FSTL5: variants seen among roughly 807,000 people sequenced by gnomAD.
FSTL5 encodes the protein follistatin like 5, also known as follistatin-related protein 5.
A neutral mutation model predicts 89.1 loss-of-function variants in FSTL5; 62 were observed. The observed-to-expected ratio is 0.70, with a 90% CI of 0.57 to 0.86. The LOEUF is 0.86. Among genes scored for constraint, FSTL5 ranks in the 40% least tolerant of loss-of-function variants. The pLI is 0.00. For synonymous variants in FSTL5, 383 were observed against 346.2 expected, an observed-to-expected ratio of 1.11 and a Z score of -1.18; for missense variants, 1,057 against 1,001.6, an observed-to-expected ratio of 1.06 and a Z score of -0.75.
chr4:161,786,082 A>T (rs1380827718), intron 4 of FSTL5, among the ~76,000 whole-genome samples: 1 of 152,086 alleles, frequency 6.6e-6, no homozygotes, highest in East Asian at 1.9e-4. Context: ...ATGTTTATTG[A>T]CATCTGACCT....
intron 6 of FSTL5, among the ~76,000 whole-genome samples, chr4:161,746,354 A>T (rs1740203887): frequency 6.6e-6 from 1 of 152,116 alleles, no homozygotes; most frequent in African/African-American, 2.4e-5. Context: ...TTAAATCCAT[A>T]ACTTCTGATT....
intron 6 of FSTL5, among the ~76,000 whole-genome samples, chr4:161,659,676 AT>A: frequency 6.6e-6 from 1 of 152,272 alleles, no homozygotes; most frequent in Admixed American, 6.5e-5. Context: ...TTTAAAAACG[AT>A]TTTTATATCT....
chr4:161,854,137 G>T (rs1731645561), intron 4 of FSTL5, among the ~76,000 whole-genome samples: 1 of 152,170 alleles, frequency 6.6e-6, no homozygotes, highest in Non-Finnish European at 1.5e-5. Flanking sequence ...TATAGGACTG[G>T]CCAGGAGGAA....
At chr4:161,499,796 A>AGGAATACATAATATTTTAGCAAATTCTTT (rs1730230626) in intron 12 of FSTL5, among the ~76,000 whole-genome samples, 1 of 151,980 alleles carries the variant, frequency 6.6e-6, no homozygotes, top group South Asian at 2.1e-4. Context: ...GCAAATTCTT[A>AGGAATACATAATATTTTAGCAAATTCTTT]GGAATACATA....
Position 161,936,094 on chromosome 4 carries a change from C to T in FSTL5, c.161-15442G>A, listed in dbSNP as rs115986625. The stretch of plus-strand genomic sequence containing the variant: ...ACTCAAAAGGCTGAGGCATGAGATT[C>T]GCTTGAACCCAGGAGGCAGAGATTG... On this transcript the variant is annotated intron_variant, in intron 3 of 15. Coordinates refer to ENST00000306100, the MANE Select transcript of FSTL5 (RefSeq NM_020116.5). 5.3e-3 allele frequency among the ~76,000 whole-genome samples: 813 copies of T among 152,196 alleles called. 8 individuals are homozygous for T. The highest frequency in any genetic ancestry group is 0.019 in the African/African-American group (774 of 41,534).
chr4:161,569,758 AACACACACACACACAC>A (rs56387876), intron 8 of FSTL5, among the ~76,000 whole-genome samples: 3 of 134,420 alleles, frequency 2.2e-5, no homozygotes, highest in South Asian at 4.5e-4. Flanking sequence ...CCAACACACA[AACACACACACACACAC>A]ACACACACAC....
At chr4:161,544,604 C>A (rs1437104017) in intron 8 of FSTL5, among the ~76,000 whole-genome samples, 1 of 151,606 alleles carries the variant, frequency 6.6e-6, no homozygotes, top group Non-Finnish European at 1.5e-5. Context: ...CTGTGTGGTA[C>A]ATTTTGACAC....
intron 3 of FSTL5, among the ~76,000 whole-genome samples, chr4:162,004,239 C>A (rs540877045): frequency 1.6e-3 from 245 of 152,248 alleles, no homozygotes; most frequent in Middle Eastern, 6.8e-3. Context: ...TTTGTGTGGC[C>A]AATGTAGAAA....
chr4:161,684,453 CG>C (rs1737638783), intron 6 of FSTL5, among the ~76,000 whole-genome samples: 1 of 151,404 alleles, frequency 6.6e-6, no homozygotes. Context: ...TTTTTGATTA[CG>C]GTCATTCTTG....
intron 8 of FSTL5, among the ~76,000 whole-genome samples, chr4:161,583,231 C>T (rs1733495893): frequency 6.6e-6 from 1 of 151,908 alleles, no homozygotes; most frequent in African/African-American, 2.4e-5. Flanking sequence ...AGTTCTTTCT[C>T]ATGTGTCAGG....
intron 4 of FSTL5, among the ~76,000 whole-genome samples, chr4:161,908,192 C>T (rs900248940): frequency 7.2e-5 from 11 of 151,946 alleles, no homozygotes; most frequent in Non-Finnish European, 1.5e-4. Flanking sequence ...CTTACCTCTA[C>T]CAATTTGGGA....
intron 8 of FSTL5, among the ~76,000 whole-genome samples, chr4:161,578,080 C>G (rs1733294078): frequency 1.3e-5 from 2 of 151,884 alleles, no homozygotes; most frequent in East Asian, 3.9e-4. Flanking sequence ...ATTCAATACA[C>G]AAATTAACAG....
chr4:161,812,012 A>G (rs534390346), intron 4 of FSTL5, among the ~76,000 whole-genome samples: 1 of 152,274 alleles, frequency 6.6e-6, no homozygotes, highest in East Asian at 1.9e-4. Flanking sequence ...TGGCTGGGAA[A>G]TATGTGAATA....
chr4:161,489,456 T>A (rs1560920396), intron 12 of FSTL5, among the ~76,000 whole-genome samples: 1 of 152,108 alleles, frequency 6.6e-6, no homozygotes, highest in African/African-American at 2.4e-5. Flanking sequence ...ATTAAAGAAA[T>A]AGGACAACTA....
chr4:161,555,372 A>G (rs7689636), intron 8 of FSTL5, among the ~76,000 whole-genome samples: 4,536 of 151,654 alleles, frequency 0.03, 224 homozygotes, highest in African/African-American at 0.1. Context: ...GTTTCAGATG[A>G]TAATACACAA....
Position 161,613,599 on chromosome 4 carries a change from A to T in FSTL5, c.895-26024T>A, listed in dbSNP as rs932626729. Among the ~76,000 whole-genome samples the T allele has an allele frequency of 3.3e-5, 5 of 152,246 alleles. No homozygotes were observed. The East Asian group carries it at 5.8e-4, about 18-fold the overall frequency. ...AGGAGACAGGGAGACCGAAGAAAAA[A>T]ATCTCCAATGACTTCTTCAAATATC... On this transcript the variant is annotated intron_variant, in intron 7 of 15. Transcript: ENST00000306100.
intron 2 of FSTL5, among the ~76,000 whole-genome samples, chr4:162,042,396 T>A (rs1737999383): frequency 6.6e-6 from 1 of 152,084 alleles, no homozygotes; most frequent in African/African-American, 2.4e-5. Flanking sequence ...TTTAAGAATT[T>A]TCCCAGTGTC....
chr4:161,932,580 C>A (rs1215400791), intron 3 of FSTL5, among the ~76,000 whole-genome samples: 3 of 151,444 alleles, frequency 2.0e-5, no homozygotes, highest in African/African-American at 7.3e-5. Context: ...TCTCATGTAG[C>A]CCCTGGACCA....
At chr4:161,971,499 A>T (rs535608444) in intron 3 of FSTL5, among the ~76,000 whole-genome samples, 5 of 152,288 alleles carry the variant, frequency 3.3e-5, no homozygotes, top group African/African-American at 1.2e-4. Context: ...ATACATTCTC[A>T]TACTTGAAAT....
Sources: gnomAD v4.1 joint callset for allele counts (sites outside exome capture counted in the v4.1 genomes callset) on GRCh38, gnomAD v4.1.1 for gene constraint, MANE v1.5 for transcripts, NCBI Gene and HGNC (gene_info 2026-07-23, HGNC 2026-07-21) for gene names.